Variants in ADARB2 observed in about 807,000 individuals in gnomAD.
ADARB2 encodes adenosine deaminase RNA specific B2 (inactive).
ADARB2 carries 25 observed loss-of-function variants against 62.2 expected under a neutral mutation model. The observed-to-expected ratio is 0.40, with a 90% CI of 0.29 to 0.56. The LOEUF is 0.56. Ranked by LOEUF, ADARB2 falls within the 20% of genes least tolerant of loss-of-function variation. ADARB2 has a pLI of 0.43. For synonymous variants in ADARB2, 572 were observed against 500.8 expected, an observed-to-expected ratio of 1.14 and a Z score of -1.90; for missense variants, 1,071 against 1,077.4, an observed-to-expected ratio of 0.99 and a Z score of 0.08.
chr10:1,462,920 T>C (rs1230008073), intron 1 of ADARB2, among the ~76,000 whole-genome samples: 1 of 145,788 alleles, frequency 6.9e-6, no homozygotes, highest in Non-Finnish European at 1.5e-5. Context: ...GTGAAGGAGA[T>C]AACTGATAAA....
chr10:1,242,458 G>C (rs370954291), intron 4 of ADARB2, among the ~76,000 whole-genome samples, 159 bp from the exon 5 acceptor site: 20 of 152,364 alleles, frequency 1.3e-4, no homozygotes, highest in Admixed American at 2.0e-4. Flanking sequence ...TGTGCTCCAG[G>C]CTGTCACGGG....
chr10:1,733,234 C>A (rs535932138), intron 1 of ADARB2, among the ~76,000 whole-genome samples: 1 of 152,326 alleles, frequency 6.6e-6, no homozygotes, highest in East Asian at 1.9e-4. Flanking sequence ...CTTGTGGAAT[C>A]AGCTGATTTT....
At chr10:1,470,669 T>C (rs1831309861) in intron 1 of ADARB2, among the ~76,000 whole-genome samples, 1 of 152,190 alleles carries the variant, frequency 6.6e-6, no homozygotes. Context: ...AACGTGTAAA[T>C]GATCATTAGA....
At chr10:1,265,102 G>A (rs1346817020) in intron 4 of ADARB2, among the ~76,000 whole-genome samples, 1 of 152,204 alleles carries the variant, frequency 6.6e-6, no homozygotes, top group Admixed American at 6.5e-5. Flanking sequence ...GAAGGATAAA[G>A]GACCATCAGC....
intron 1 of ADARB2, among the ~76,000 whole-genome samples, chr10:1,663,198 C>T (rs1353092635): frequency 6.6e-6 from 1 of 152,222 alleles, no homozygotes; most frequent in Non-Finnish European, 1.5e-5. Context: ...CAGAGACTTC[C>T]CATACATGCC....
intron 4 of ADARB2, among the ~76,000 whole-genome samples, chr10:1,243,850 G>C (rs57973864): frequency 0.062 from 9,456 of 152,240 alleles, 1,027 homozygotes; most frequent in African/African-American, 0.22. Flanking sequence ...CCCCGTTTCT[G>C]TGCCCGAAGA....
chr10:1,703,591 G>C (rs1834852066), intron 1 of ADARB2, among the ~76,000 whole-genome samples: 1 of 152,080 alleles, frequency 6.6e-6, no homozygotes, highest in African/African-American at 2.4e-5. Context: ...AATAGAATGG[G>C]GAGATTTTGC....
chr10:1,337,348 C>A (rs1831984016), intron 3 of ADARB2, among the ~76,000 whole-genome samples: 1 of 152,156 alleles, frequency 6.6e-6, no homozygotes, highest in Non-Finnish European at 1.5e-5. Flanking sequence ...GGTGCACACT[C>A]ACCTTAGATG....
intron 3 of ADARB2, among the ~76,000 whole-genome samples, chr10:1,294,192 G>C (rs559813369): frequency 3.9e-5 from 6 of 152,166 alleles, no homozygotes; most frequent in Non-Finnish European, 8.8e-5. Flanking sequence ...AGTGACTGCC[G>C]ATAGAATCAG....
intron 5 of ADARB2, among the ~76,000 whole-genome samples, chr10:1,234,177 C>G (rs552056883): frequency 6.6e-6 from 1 of 151,380 alleles, no homozygotes; most frequent in South Asian, 2.1e-4. Flanking sequence ...TTAGTAGATA[C>G]AGGGTTTCAC....
chr10:1,582,197 G>A (rs1471850285), intron 1 of ADARB2, among the ~76,000 whole-genome samples: 2 of 147,028 alleles, frequency 1.4e-5, no homozygotes, highest in African/African-American at 2.4e-5. Context: ...TGGGACACAG[G>A]AAACCATTTG....
intron 1 of ADARB2, among the ~76,000 whole-genome samples, chr10:1,626,300 CGG>C (rs1833768298): frequency 6.8e-6 from 1 of 146,590 alleles, no homozygotes; most frequent in Admixed American, 6.8e-5. Flanking sequence ...CACTGGACCT[CGG>C]ACGCTAACCC....
At chr10:1,604,784 G>T (rs912959804) in intron 1 of ADARB2, among the ~76,000 whole-genome samples, 1 of 152,136 alleles carries the variant, frequency 6.6e-6, no homozygotes, top group African/African-American at 2.4e-5. Context: ...TATAGTGTCT[G>T]GTGTATTTTA....
chr10:1,487,260 G>A (rs1207701969), intron 1 of ADARB2, among the ~76,000 whole-genome samples: 2 of 152,224 alleles, frequency 1.3e-5, no homozygotes, highest in African/African-American at 4.8e-5. Context: ...CATTAGGGTT[G>A]GGAACCCCAG....
At chr10:1,333,840 T>C (rs1831950069) in intron 3 of ADARB2, among the ~76,000 whole-genome samples, 1 of 152,196 alleles carries the variant, frequency 6.6e-6, no homozygotes, top group Admixed American at 6.5e-5. Context: ...TGCTAATTCC[T>C]AGGGACAAAA....
At chr10:1,432,232 A>C (rs1187950212) in intron 1 of ADARB2, among the ~76,000 whole-genome samples, 1 of 152,182 alleles carries the variant, frequency 6.6e-6, no homozygotes, top group Non-Finnish European at 1.5e-5. Flanking sequence ...TCTTTGAATG[A>C]TAGAAACATA....
chr10:1,647,050 G>A (rs1433804763), intron 1 of ADARB2, among the ~76,000 whole-genome samples: 6 of 152,222 alleles, frequency 3.9e-5, no homozygotes, highest in Admixed American at 3.3e-4. Flanking sequence ...ACCAACACTC[G>A]CACGAGTTCC....
At position 1,375,160 on chromosome 10, in the gene ADARB2, G is replaced by C. The variant is rs376417078; in HGVS notation, c.187+3914C>G. Among the ~76,000 whole-genome samples the C allele has an allele frequency of 3.8e-3, 577 of 152,330 alleles. 2 individuals carry two copies. The highest frequency in any genetic ancestry group is 0.014 in the Middle Eastern group (4 of 294). ...CTTTTCAGCACAACTCCAGGGCCCA[G>C]GGCCGCCTTTGTGCCGGGCAGCCTT... On this transcript the variant is annotated intron_variant, in intron 2 of 9. Transcript: ENST00000381312.
intron 3 of ADARB2, among the ~76,000 whole-genome samples, chr10:1,360,214 G>C (rs555304633): frequency 5.8e-4 from 89 of 152,358 alleles, no homozygotes; most frequent in African/African-American, 2.0e-3. Context: ...CTGCTTCCAG[G>C]CTCCCTGGAC....
Sources: gnomAD v4.1 joint callset for allele counts (sites outside exome capture counted in the v4.1 genomes callset) on GRCh38, gnomAD v4.1.1 for gene constraint, MANE v1.5 for transcripts, NCBI Gene and HGNC (gene_info 2026-07-23, HGNC 2026-07-21) for gene names.